ERMP1: variants seen among roughly 807,000 people sequenced by gnomAD.
The protein encoded by ERMP1 is Felix-ina.
Under a neutral mutation model 92.0 loss-of-function variants are expected in ERMP1, and 86 were observed. The observed-to-expected ratio is 0.93, with a 90% CI of 0.79 to 1.12. The LOEUF (loss-of-function observed/expected upper bound fraction) is 1.12, where lower values mean the gene tolerates loss of function less well. Among genes scored for constraint, ERMP1 ranks in the 50% most tolerant of loss-of-function variants. ERMP1 has a pLI of 0.00. For missense variants in ERMP1, 1,342 were observed against 1,116.3 expected (o/e 1.20, Z -2.88); for synonymous variants, 530 against 412.8 (o/e 1.28, Z -3.44).
Position 5,833,017 on chromosome 9 carries a change from C to G in ERMP1, c.11G>C (p.Gly4Ala), listed in dbSNP as rs1177461893. ...CCGCCTCACAGCAGCCGACTCAGAA[C>G]CCCACTCCATGGCCACGAGCCTCAG... MEW[G>A]SESAAVRRHR... The change falls in exon 1 of 15, where the codon GGT becomes GCT. Residue 4 changes from glycine to alanine, a missense_variant. Physicochemically the swap from Gly to Ala is moderately conservative, Grantham distance 60. Transcript: ENST00000339450. 1 of 1,540,634 alleles carries G rather than the reference C, an allele frequency of 6.5e-7. No individual in the cohort carries two copies. Among genetic ancestry groups the G allele is most frequent in the Admixed American group, 1.9e-5 (1 of 52,764 alleles).
rs1338119491 is a variant in ERMP1 at position 5,831,039 on chromosome 9, C to G, written c.339-11G>C. The G allele has an allele frequency of 6.3e-7, 1 of 1,596,608 alleles. No individual in the cohort carries two copies. The highest frequency in any genetic ancestry group is 1.3e-5 in the African/African-American group (1 of 74,178). ...TGTTCAAGATAATCCCTGGAAGTAACCAAAAGAATAACAAAGGTTTGTAGT... is the reference window on the plus strand; with the variant it reads ...TGTTCAAGATAATCCCTGGAAGTAAGCAAAAGAATAACAAAGGTTTGTAGT... On this transcript the variant is annotated splice_polypyrimidine_tract_variant and intron_variant, in intron 1 of 14. Transcript: ENST00000339450.
chr9:5,834,701 A>ATGTGTGTGTGTG (rs1461362378), upstream of ERMP1, among the ~76,000 whole-genome samples: 534 of 62,812 alleles, frequency 8.5e-3, 4 homozygotes, highest in African/African-American at 0.021. Flanking sequence ...ATGTATGTAT[A>ATGTGTGTGTGTG]TATGTGTGTG....
At position 5,784,746 on chromosome 9, in the gene ERMP1, A is replaced by G. The variant is rs994318317; in HGVS notation, c.*2398T>C. The G allele has an allele frequency of 1.3e-5, 2 of 152,664 alleles. No individual in the cohort carries two copies. The highest frequency in any genetic ancestry group is 4.8e-5 in the African/African-American group (2 of 41,458). 9.5% of individuals were successfully genotyped at this position (152,664 alleles called of 1,614,324 possible). A position where few individuals can be genotyped will look rare whatever the true frequency, so the allele number is the denominator to read the frequency against. On this transcript the variant is annotated 3_prime_UTR_variant, in exon 15 of 15. Coordinates refer to ENST00000339450, the MANE Select transcript of ERMP1 (RefSeq NM_024896.3). ...AAGGAATCCTATCATGTTTGTTTAT[A>G]TATGCTAAACTGTAAAAACAAACAC...
intron 6 of ERMP1, among the ~76,000 whole-genome samples, chr9:5,843,653 G>A (rs545012362): frequency 6.6e-6 from 1 of 152,296 alleles, no homozygotes; most frequent in Admixed American, 6.5e-5. Flanking sequence ...CCCGCTTCTA[G>A]CCACTGCTTT....
intron 2 of ERMP1, 100 bp from the exon 3 acceptor site, chr9:5,825,319 C>G (rs764245743): frequency 1.6e-5 from 18 of 1,128,456 alleles, no homozygotes; most frequent in Non-Finnish European, 2.2e-5. Flanking sequence ...AGAAGCATCA[C>G]AATAGCTGCA....
intron 1 of ERMP1, 60 bp downstream of exon 1, chr9:5,832,630 G>C (rs891612498): frequency 1.6e-5 from 20 of 1,286,312 alleles, no homozygotes; most frequent in Non-Finnish European, 1.9e-5. Flanking sequence ...CGGTGCCCCG[G>C]AGCCTGCGCA....
rs138769991 is a variant in ERMP1, at chr9:5,857,155, G to A, written n.3199+2313C>T. ...TCCCACCTCAGACTCCCAAGTAGCC[G>A]GGACTACAGACCTGTGCAATCATGC... is the stretch of plus-strand genomic sequence containing the variant. On this transcript the variant is annotated intron_variant and non_coding_transcript_variant, in intron 6 of 6. Coordinates refer to the ERMP1 transcript ENST00000690753. Among the ~76,000 whole-genome samples the A allele has an allele frequency of 5.0e-3, 758 of 152,152 alleles. 4 individuals are homozygous for A. Among genetic ancestry groups the A allele is most frequent in the Non-Finnish European group, 6.1e-3 (417 of 68,010 alleles).
At chr9:5,857,388 T>C (rs1830390802) in intron 6 of ERMP1, among the ~76,000 whole-genome samples, 1 of 152,170 alleles carries the variant, frequency 6.6e-6, no homozygotes, top group African/African-American at 2.4e-5. Flanking sequence ...TTGCCTCGGC[T>C]GGGCACGTGC....
intron 13 of ERMP1, among the ~76,000 whole-genome samples, chr9:5,790,484 G>C (rs189514737): frequency 2.0e-4 from 30 of 152,166 alleles, no homozygotes; most frequent in Admixed American, 1.8e-3. Flanking sequence ...CCCACTAAAA[G>C]AAAAACAATT....
chr9:5,808,723 C>T (rs1345398104), intron 8 of ERMP1, among the ~76,000 whole-genome samples: 1 of 152,114 alleles, frequency 6.6e-6, no homozygotes, highest in Non-Finnish European at 1.5e-5. Context: ...TATTATTTTA[C>T]AGCTTTTTAA....
intron 13 of ERMP1, among the ~76,000 whole-genome samples, chr9:5,789,353 G>GAAC (rs1477541192): frequency 6.6e-6 from 1 of 152,134 alleles, no homozygotes; most frequent in African/African-American, 2.4e-5. Context: ...GGCAACAATG[G>GAAC]AACAACAATT....
At chr9:5,809,965 C>G (rs1388434637) in intron 8 of ERMP1, 46 bp downstream of exon 8, 6 of 1,312,266 alleles carry the variant, frequency 4.6e-6, no homozygotes, top group Non-Finnish European at 6.6e-6. Context: ...CATCTTCAGT[C>G]CCTGGAGGCA....
At chr9:5,827,351 T>C (rs1177263598) in intron 2 of ERMP1, among the ~76,000 whole-genome samples, 2 of 152,098 alleles carry the variant, frequency 1.3e-5, no homozygotes, top group South Asian at 2.1e-4. Flanking sequence ...CAATCACTGA[T>C]GAGCTAAAAA....
intron 4 of ERMP1, among the ~76,000 whole-genome samples, chr9:5,813,492 A>C (rs369312011): frequency 2.0e-5 from 3 of 152,188 alleles, no homozygotes; most frequent in South Asian, 4.1e-4. Flanking sequence ...TGGGATCAGA[A>C]GTATTTTGGA....
intron 13 of ERMP1, among the ~76,000 whole-genome samples, chr9:5,795,817 T>G (rs1301462941): frequency 6.6e-6 from 1 of 151,768 alleles, no homozygotes; most frequent in African/African-American, 2.4e-5. Flanking sequence ...TCTTAAAGAA[T>G]AAACCAAACA....
At chr9:5,857,292 G>C (rs1469034937) in intron 6 of ERMP1, among the ~76,000 whole-genome samples, 1 of 152,144 alleles carries the variant, frequency 6.6e-6, no homozygotes, top group African/African-American at 2.4e-5. Context: ...AAAGTGCTGG[G>C]ATTACAGGCA....
rs1456781805 is a variant in ERMP1 at position 5,786,745 on chromosome 9, T to G, written c.*399A>C. Reference sequence around the variant, plus strand: ...TGATATTTTACCCACCATCCACTAATACAACAAATGGTTTTGGGGCTTAAA... The same window carrying G: ...TGATATTTTACCCACCATCCACTAAGACAACAAATGGTTTTGGGGCTTAAA... On this transcript the variant is annotated 3_prime_UTR_variant, in exon 15 of 15. Coordinates refer to ENST00000339450, the MANE Select transcript of ERMP1 (RefSeq NM_024896.3). 6.0e-6 allele frequency: 1 copy of G among 167,242 alleles called. No individual in the cohort carries two copies. Among genetic ancestry groups the G allele is most frequent in the Non-Finnish European group, 1.3e-5 (1 of 76,602 alleles). 10.4% of individuals were successfully genotyped at this position (167,242 alleles called of 1,614,324 possible). A position where few individuals can be genotyped will look rare whatever the true frequency, so the allele number is the denominator to read the frequency against.
At chr9:5,826,612 T>A (rs1220695108) in intron 2 of ERMP1, among the ~76,000 whole-genome samples, 1 of 152,220 alleles carries the variant, frequency 6.6e-6, no homozygotes. Context: ...CTATTAACCA[T>A]ACTTGTCTTG....
intron 13 of ERMP1, among the ~76,000 whole-genome samples, chr9:5,793,002 A>G (rs1206817888): frequency 6.6e-6 from 1 of 152,216 alleles, no homozygotes; most frequent in Admixed American, 6.5e-5. Context: ...GATCTAACAG[A>G]TAACAGTTTT....
Sources: allele counts gnomAD v4.1 joint callset (sites outside exome capture counted in the v4.1 genomes callset), GRCh38; gene constraint gnomAD v4.1.1; transcripts MANE v1.5; gene names NCBI Gene and HGNC (gene_info 2026-07-23, HGNC 2026-07-21).